DOCK2: variants seen among roughly 807,000 people sequenced by gnomAD.
The protein encoded by DOCK2 is dedicator of cytokinesis 2.
In DOCK2, 87 loss-of-function variants were observed where a neutral mutation model predicts 248.9. That is an observed-to-expected ratio of 0.35 (90% CI 0.29 to 0.42). The LOEUF is 0.42. DOCK2 is among the 10% of genes least tolerant of loss of function. The pLI is 1.00. For missense variants in DOCK2, 1,747 were observed against 2,300.2 expected, an observed-to-expected ratio of 0.76 and a Z score of 4.92; for synonymous variants, 805 against 821.6, an observed-to-expected ratio of 0.98 and a Z score of 0.35.
At chr5:169,730,755 G>C (rs1226516774) in intron 22 of DOCK2, among the ~76,000 whole-genome samples, 1 of 152,076 alleles carries the variant, frequency 6.6e-6, no homozygotes, top group Non-Finnish European at 1.5e-5. Context: ...AAGCATTTTT[G>C]TTCTACAGTC....
intron 15 of DOCK2, among the ~76,000 whole-genome samples, chr5:169,710,832 G>A (rs1761540501): frequency 6.6e-6 from 1 of 152,204 alleles, no homozygotes; most frequent in African/African-American, 2.4e-5. Context: ...ACCAGGTCAG[G>A]TTTCCCTTCT....
At chr5:169,690,591 T>C (rs1042070043) in intron 9 of DOCK2, among the ~76,000 whole-genome samples, 1 of 152,242 alleles carries the variant, frequency 6.6e-6, no homozygotes, top group Non-Finnish European at 1.5e-5. Context: ...TGTGCCTCCA[T>C]CCTGTTTATC....
intron 21 of DOCK2, 101 bp downstream of exon 21, chr5:169,717,585 C>T: frequency 2.0e-6 from 2 of 1,021,980 alleles, no homozygotes; most frequent in South Asian, 1.3e-5. Context: ...TGTGACTCAT[C>T]TGTGTGAGCT....
chr5:169,819,488 GC>G (rs919816434), intron 26 of DOCK2, among the ~76,000 whole-genome samples: 3 of 152,304 alleles, frequency 2.0e-5, no homozygotes, highest in African/African-American at 7.2e-5. Context: ...GGTCATGGTA[GC>G]ATGCACCTGT....
chr5:169,929,296 A>G (rs1292889034), intron 27 of DOCK2, among the ~76,000 whole-genome samples: 1 of 152,172 alleles, frequency 6.6e-6, no homozygotes, highest in Admixed American at 6.5e-5. Flanking sequence ...TCCTTTCCCC[A>G]TTGACACCAA....
intron 41 of DOCK2, among the ~76,000 whole-genome samples, chr5:170,051,546 A>ATGTGG (rs1348078716): frequency 6.6e-6 from 1 of 152,056 alleles, no homozygotes; most frequent in Non-Finnish European, 1.5e-5. Flanking sequence ...CTATTGTCTA[A>ATGTGG]TGTGGCCTTC....
intron 27 of DOCK2, among the ~76,000 whole-genome samples, chr5:169,930,420 G>A (rs1775695005): frequency 6.6e-6 from 1 of 152,158 alleles, no homozygotes; most frequent in South Asian, 2.1e-4. Context: ...AGCCTCTTAG[G>A]GTAATGTGTG....
chr5:169,969,805 C>T (rs981308080), intron 27 of DOCK2, among the ~76,000 whole-genome samples: 1 of 152,220 alleles, frequency 6.6e-6, no homozygotes, highest in Non-Finnish European at 1.5e-5. Flanking sequence ...GAGGCCAGGC[C>T]TTGCCTGCCT....
At chr5:169,848,794 C>A (rs1391290751) in intron 27 of DOCK2, among the ~76,000 whole-genome samples, 2 of 152,094 alleles carry the variant, frequency 1.3e-5, no homozygotes, top group Non-Finnish European at 2.9e-5. Context: ...AAATTCAGAG[C>A]AGTTTGTTCA....
At chr5:169,913,761 G>T (rs11740615) in intron 27 of DOCK2, among the ~76,000 whole-genome samples, 51,339 of 151,894 alleles carry the variant, frequency 0.34, 9,357 homozygotes, top group South Asian at 0.41. Context: ...TGATCTAATT[G>T]GTCTAACCCT....
chr5:169,862,433 C>G (rs112031353), intron 27 of DOCK2, among the ~76,000 whole-genome samples: 1 of 152,148 alleles, frequency 6.6e-6, no homozygotes, highest in Non-Finnish European at 1.5e-5. Context: ...AATGATTTCA[C>G]TTTATTGGAT....
chr5:169,801,029 C>T (rs1766944779), intron 25 of DOCK2, among the ~76,000 whole-genome samples: 1 of 129,230 alleles, frequency 7.7e-6, no homozygotes, highest in African/African-American at 3.0e-5. Flanking sequence ...GACCTTGGCT[C>T]ACTGCAATTT....
chr5:170,018,727 C>G (rs1344894195), intron 32 of DOCK2, among the ~76,000 whole-genome samples: 2 of 152,150 alleles, frequency 1.3e-5, no homozygotes, highest in Non-Finnish European at 2.9e-5. Context: ...CACGCACGCC[C>G]GTGTTATTAG....
intron 27 of DOCK2, among the ~76,000 whole-genome samples, chr5:169,949,334 C>G (rs1009447955): frequency 1.3e-5 from 2 of 152,102 alleles, no homozygotes; most frequent in African/African-American, 4.8e-5. Context: ...TAAATAGAGG[C>G]ACCTGGGAAG....
chr5:170,017,184 T>A (rs1203251087), intron 32 of DOCK2, among the ~76,000 whole-genome samples: 1 of 152,186 alleles, frequency 6.6e-6, no homozygotes, highest in Non-Finnish European at 1.5e-5. Flanking sequence ...CAGCTCCTTG[T>A]CTGAGCTTTA....
chr5:170,038,453 G>A (rs773227748), intron 36 of DOCK2, among the ~76,000 whole-genome samples: 1 of 152,156 alleles, frequency 6.6e-6, no homozygotes, highest in African/African-American at 2.4e-5. Context: ...TTTTTAATTG[G>A]CTGCCAACAT....
At chr5:169,809,228 T>G (rs1165929350) in intron 26 of DOCK2, among the ~76,000 whole-genome samples, 1 of 152,158 alleles carries the variant, frequency 6.6e-6, no homozygotes, top group Non-Finnish European at 1.5e-5. Context: ...TGACCTTAAG[T>G]GATCTGCCCA....
At chr5:169,913,762 G>T (rs1774728581) in intron 27 of DOCK2, among the ~76,000 whole-genome samples, 1 of 152,138 alleles carries the variant, frequency 6.6e-6, no homozygotes, top group Admixed American at 6.5e-5. Flanking sequence ...GATCTAATTG[G>T]TCTAACCCTC....
chr5:169,799,654 T>A (rs1292859165), intron 25 of DOCK2, among the ~76,000 whole-genome samples: 1 of 152,232 alleles, frequency 6.6e-6, no homozygotes, highest in Admixed American at 6.5e-5. Flanking sequence ...CTCAACTTTA[T>A]GATGGCAAGA....
Sources: allele counts gnomAD v4.1 joint callset (sites outside exome capture counted in the v4.1 genomes callset), GRCh38; gene constraint gnomAD v4.1.1; transcripts MANE v1.5; gene names NCBI Gene and HGNC (gene_info 2026-07-23, HGNC 2026-07-21).